SMC5: variants seen among roughly 807,000 people sequenced by gnomAD.
SMC5 encodes structural maintenance of chromosomes protein 5.
In SMC5, 88 loss-of-function variants were observed where a neutral mutation model predicts 148.3. The observed-to-expected ratio is 0.59, with a 90% confidence interval of 0.50 to 0.71. The LOEUF is 0.71. Among genes scored for constraint, SMC5 ranks in the 30% least tolerant of loss-of-function variants. The probability of loss-of-function intolerance (pLI) is 0.00; values close to 1 mark genes in which losing one functional copy is unlikely to be tolerated. For missense variants in SMC5, 1,142 were observed against 1,298.9 expected (o/e 0.88, Z 1.86); for synonymous variants, 421 against 432.8 (o/e 0.97, Z 0.34).
At chr9:70,269,202 A>G (rs554223285) in intron 3 of SMC5, among the ~76,000 whole-genome samples, 2 of 152,356 alleles carry the variant, frequency 1.3e-5, no homozygotes, top group East Asian at 3.9e-4. Context: ...TTAAAATATG[A>G]TAGAATTTTG....
intron 8 of SMC5, among the ~76,000 whole-genome samples, chr9:70,296,417 C>T (rs1188282568): frequency 6.6e-6 from 1 of 151,992 alleles, no homozygotes; most frequent in Non-Finnish European, 1.5e-5. Context: ...CAAAAATTAA[C>T]CGGGCATGGT....
intron 15 of SMC5, among the ~76,000 whole-genome samples, chr9:70,320,233 C>T (rs942913286): frequency 2.0e-5 from 3 of 152,138 alleles, no homozygotes; most frequent in Non-Finnish European, 4.4e-5. Flanking sequence ...TCGTGGGTTG[C>T]ACATCCATGG....
intron 17 of SMC5, among the ~76,000 whole-genome samples, chr9:70,338,051 C>T (rs1308011032): frequency 6.6e-6 from 1 of 152,030 alleles, no homozygotes; most frequent in Non-Finnish European, 1.5e-5. Flanking sequence ...TTCTTACTCT[C>T]TCACCCAGGC....
chr9:70,350,940 A>C (rs2036790092), intron 24 of SMC5, among the ~76,000 whole-genome samples: 1 of 152,202 alleles, frequency 6.6e-6, no homozygotes, highest in South Asian at 2.1e-4. Flanking sequence ...TCATAATCTA[A>C]AACCATTGCA....
Position 70,259,106 on chromosome 9 carries a change from A to G in SMC5, c.28A>G (p.Thr10Ala). 4 of 1,610,256 alleles carry G rather than the reference A, an allele frequency of 2.5e-6. No homozygotes were observed. Among genetic ancestry groups the G allele is most frequent in the Non-Finnish European group, 2.5e-6 (3 of 1,178,148 alleles). MATPSKKTS[T>A]PSPQPSKRAL... ...GGCGACTCCGAGCAAGAAGACGTCAACTCCAAGCCCCCAGCCTTCCAAGAG... is the reference window on the plus strand; with the variant it reads ...GGCGACTCCGAGCAAGAAGACGTCAGCTCCAAGCCCCCAGCCTTCCAAGAG... Residue 10 changes from threonine to alanine, a missense_variant, in exon 1 of 25, where the codon ACT (threonine) becomes GCT (alanine). By Grantham distance (58) the Thr-to-Ala change is moderately conservative. Coordinates refer to ENST00000361138, the MANE Select transcript of SMC5 (RefSeq NM_015110.4).
At chr9:70,304,629 G>C (rs1210167857) in intron 10 of SMC5, among the ~76,000 whole-genome samples, 2 of 152,206 alleles carry the variant, frequency 1.3e-5, no homozygotes, top group Non-Finnish European at 2.9e-5. Flanking sequence ...AGAGGTTGCA[G>C]TGAGCTGAGA....
rs199684583 is a variant in SMC5, at chr9:70,259,927, CTT to C, written c.185+680_185+681del. On this transcript the variant is annotated intron_variant, in intron 1 of 24. Transcript: ENST00000361138. Reference sequence around the variant, plus strand: ...ACCTTCCAGTTCATTTGTTCCAGGTCTTTTTTTTTTTTTTTTTCCTCTTTTTT... The same window carrying C: ...ACCTTCCAGTTCATTTGTTCCAGGTCTTTTTTTTTTTTTTTCCTCTTTTTT... Among the ~76,000 whole-genome samples the C allele has an allele frequency of 2.1e-3, 284 of 133,702 alleles. 1 individual carries two copies. The highest frequency in any genetic ancestry group is 5.6e-3 in the African/African-American group (204 of 36,112). 87.7% of individuals were successfully genotyped at this position (133,702 alleles called of 152,430 possible). A position where few individuals can be genotyped will look rare whatever the true frequency, so the allele number is the denominator to read the frequency against.
In SMC5 at chr9:70,259,026, G is replaced by GGGT; in HGVS notation, c.-51_-50insTGG. ...TGGGTGGATGGGCGCTTGGGCGCCT[G>GGGT]GGCTGCCGGACGGTGGGAACGGAAG... is the stretch of plus-strand genomic sequence containing the variant. On this transcript the variant is annotated 5_prime_UTR_variant, in exon 1 of 25. Coordinates refer to ENST00000361138, the MANE Select transcript of SMC5 (RefSeq NM_015110.4). 6.5e-7 allele frequency: 1 copy of GGGT among 1,528,406 alleles called. No homozygotes were observed. The highest frequency in any genetic ancestry group is 2.4e-5 in the East Asian group (1 of 42,162). 94.7% of individuals were successfully genotyped at this position (1,528,406 alleles called of 1,614,324 possible).
At chr9:70,334,962 C>T (rs1279861648) in intron 17 of SMC5, among the ~76,000 whole-genome samples, 1 of 152,058 alleles carries the variant, frequency 6.6e-6, no homozygotes, top group African/African-American at 2.4e-5. Context: ...TGAGTTAAAC[C>T]ATAGACTCAC....
At chr9:70,324,520 TAAC>T (rs1203205254) in intron 17 of SMC5, among the ~76,000 whole-genome samples, 1 of 152,098 alleles carries the variant, frequency 6.6e-6, no homozygotes, top group Non-Finnish European at 1.5e-5. Flanking sequence ...TAGAATAATA[TAAC>T]AACAAACCTG....
intron 17 of SMC5, among the ~76,000 whole-genome samples, chr9:70,335,326 A>G (rs1023003163): frequency 7.2e-5 from 11 of 152,160 alleles, no homozygotes; most frequent in Admixed American, 7.2e-4. Context: ...TGTTTCTACA[A>G]AAAGTTAAAA....
chr9:70,305,697 G>A (rs2035477781), intron 11 of SMC5, among the ~76,000 whole-genome samples: 1 of 152,018 alleles, frequency 6.6e-6, no homozygotes, highest in African/African-American at 2.4e-5. Context: ...AAAATGTATT[G>A]GAATGAACTC....
intron 8 of SMC5, among the ~76,000 whole-genome samples, chr9:70,288,597 A>T (rs1375147088): frequency 6.6e-6 from 1 of 151,976 alleles, no homozygotes; most frequent in Non-Finnish European, 1.5e-5. Flanking sequence ...GCATTATAGG[A>T]TATAAATTTT....
chr9:70,300,321 G>T (rs2035325056), intron 10 of SMC5, 121 bp downstream of exon 10: 2 of 807,604 alleles, frequency 2.5e-6, no homozygotes, highest in East Asian at 6.0e-5. Context: ...GTGGCATCTG[G>T]CATACTGCTG....
intron 17 of SMC5, among the ~76,000 whole-genome samples, chr9:70,328,666 G>C (rs1326758057): frequency 6.6e-6 from 1 of 152,186 alleles, no homozygotes; most frequent in East Asian, 1.9e-4. Flanking sequence ...CAAGCTGTCA[G>C]TGGATCTACC....
rs190195474 is a variant in SMC5, at chr9:70,272,577, G to A, written c.380+4602G>A. 3.1e-3 allele frequency among the ~76,000 whole-genome samples: 465 copies of A among 152,226 alleles called. 1 individual carries two copies. Among genetic ancestry groups the A allele is most frequent in the Non-Finnish European group, 5.4e-3 (364 of 68,018 alleles). ...ACACACAAAAAGGTCTGAGATTCAG[G>A]TAGAAATGTTTTTAGTGGGCAGTTA... On this transcript the variant is annotated intron_variant, in intron 3 of 24. Coordinates refer to ENST00000361138, the MANE Select transcript of SMC5 (RefSeq NM_015110.4).
chr9:70,296,088 A>G (rs1017847535), intron 8 of SMC5, among the ~76,000 whole-genome samples: 2 of 152,198 alleles, frequency 1.3e-5, no homozygotes, highest in Non-Finnish European at 2.9e-5. Context: ...TTACTGCCAA[A>G]GCTAAATTTT....
intron 7 of SMC5, among the ~76,000 whole-genome samples, chr9:70,283,951 G>T (rs184108387): frequency 7.2e-4 from 109 of 152,298 alleles, no homozygotes; most frequent in Admixed American, 1.4e-3. Context: ...TGTAAAAAAA[G>T]AAGTTATGTG....
chr9:70,348,667 G>T (rs570867680), intron 22 of SMC5, among the ~76,000 whole-genome samples: 289 of 151,836 alleles, frequency 1.9e-3, no homozygotes, highest in African/African-American at 6.7e-3. Flanking sequence ...CTCCAGCCTG[G>T]GCAACAAAAC....
Sources: gnomAD v4.1 joint callset for allele counts (sites outside exome capture counted in the v4.1 genomes callset) on GRCh38, gnomAD v4.1.1 for gene constraint, MANE v1.5 for transcripts, NCBI Gene and HGNC (gene_info 2026-07-23, HGNC 2026-07-21) for gene names.